The following PDK3 variants were observed in gnomAD, a reference collection of about 807,000 sequenced individuals.
PDK3 encodes pyruvate dehydrogenase kinase, isozyme 3.
In PDK3, 12 loss-of-function variants were observed where a neutral mutation model predicts 32.0. That is an observed-to-expected ratio of 0.37 (90% confidence interval 0.24 to 0.61). The LOEUF (loss-of-function observed/expected upper bound fraction) is 0.61. Among genes scored for constraint, PDK3 ranks in the 20% least tolerant of loss-of-function variants. The probability of loss-of-function intolerance (pLI) is 0.65; values close to 1 mark genes in which losing one functional copy is unlikely to be tolerated. For missense variants in PDK3, 188 were observed against 316.9 expected, an observed-to-expected ratio of 0.59 and a Z score of 3.09; for synonymous variants, 122 against 116.3, an observed-to-expected ratio of 1.05 and a Z score of -0.31.
At chrX:24,529,758 C>CAA (rs535951847) in intron 9 of PDK3, among the ~76,000 whole-genome samples, 34 of 50,457 alleles carry the variant, frequency 6.7e-4, no homozygotes, top group East Asian at 5.2e-3. Context: ...GGCTCTGCCT[C>CAA]AAAAAAAAAA....
At chrX:24,475,624 A>G (rs1016225772) in intron 1 of PDK3, among the ~76,000 whole-genome samples, 1 of 109,934 alleles carries the variant, frequency 9.1e-6, no homozygotes, top group Non-Finnish European at 1.9e-5. Context: ...GCGTCACTGC[A>G]CTCCAGCCTG....
intron 3 of PDK3, among the ~76,000 whole-genome samples, chrX:24,499,370 C>A (rs923809947): frequency 9.0e-6 from 1 of 111,504 alleles, no homozygotes; most frequent in Non-Finnish European, 1.9e-5. Flanking sequence ...AATTCTATTG[C>A]TCCCTTTATG....
At chrX:24,495,519 A>G (rs1921677936) in intron 2 of PDK3, among the ~76,000 whole-genome samples, 1 of 112,428 alleles carries the variant, frequency 8.9e-6, no homozygotes, top group South Asian at 3.7e-4. Context: ...AACGGCTCAC[A>G]GAACTCAGGA....
intron 5 of PDK3, among the ~76,000 whole-genome samples, chrX:24,506,766 ACAAT>A (rs1921987438): frequency 9.5e-6 from 1 of 105,501 alleles, no homozygotes; most frequent in South Asian, 4.3e-4. Context: ...AACCATCACC[ACAAT>A]CCAGTTGTAG....
In PDK3 at chrX:24,518,946, A is replaced by T. The variant is rs1328563499; in HGVS notation, c.609A>T (p.Thr203=). The T allele has an allele frequency of 4.2e-6, 5 of 1,193,700 alleles. No individual in the cohort carries two copies. The highest frequency in any genetic ancestry group is 4.6e-5 in the Admixed American group (2 of 43,474). The change falls in exon 6 of 11, where the codon ACA becomes ACT. Residue 203 remains threonine (T), a synonymous_variant. Transcript: ENST00000379162. Reference sequence around the variant, plus strand: ...CTTTTCTTGCAGATGCATATGAAACAGCCAAGATGCTGTGTGAACAGTATT... The same window carrying T: ...CTTTTCTTGCAGATGCATATGAAACTGCCAAGATGCTGTGTGAACAGTATT... ...VADVVKDAYE[T]AKMLCEQYYL...
chrX:24,518,047 G>T (rs1161273947), intron 5 of PDK3, among the ~76,000 whole-genome samples: 2 of 112,341 alleles, frequency 1.8e-5, no homozygotes, highest in Non-Finnish European at 3.8e-5. Flanking sequence ...ATGGTGCTTA[G>T]AACGTATAGT....
chrX:24,534,303 A>C lies in PDK3; in HGVS notation c.*231A>C. 2 of 804,535 alleles carry C rather than the reference A, an allele frequency of 2.5e-6. No individual in the cohort carries two copies. The highest frequency in any genetic ancestry group is 3.2e-6 in the Non-Finnish European group (2 of 633,614). The allele number at this position is 804,535 out of a possible 1,213,427, so 66.3% of individuals were successfully genotyped here. A position where few individuals can be genotyped will look rare whatever the true frequency, so the allele number is the denominator to read the frequency against. ...GATCAATCAAGATAAAAGGTGATCTATCCATCCAATGGAATATTATTTGGC... is the reference window on the plus strand; with the variant it reads ...GATCAATCAAGATAAAAGGTGATCTCTCCATCCAATGGAATATTATTTGGC... On this transcript the variant is annotated 3_prime_UTR_variant, in exon 11 of 11. Coordinates refer to ENST00000379162, the MANE Select transcript of PDK3 (RefSeq NM_005391.5).
chrX:24,501,028 G>C (rs1403673944), intron 3 of PDK3, among the ~76,000 whole-genome samples: 1 of 100,581 alleles, frequency 9.9e-6, no homozygotes. Context: ...CCTAATTTCA[G>C]AGTTTTACAT....
At chrX:24,482,096 A>AT (rs1921275810) in intron 1 of PDK3, among the ~76,000 whole-genome samples, 1 of 112,543 alleles carries the variant, frequency 8.9e-6, no homozygotes, top group East Asian at 2.8e-4. Flanking sequence ...CAGCGTCCAC[A>AT]TTAAGTGTTT....
intron 6 of PDK3, among the ~76,000 whole-genome samples, chrX:24,525,002 C>T (rs1372089525): frequency 9.1e-6 from 1 of 109,897 alleles, no homozygotes; most frequent in Non-Finnish European, 1.9e-5. Context: ...ACTAAAAATA[C>T]AAAAATTAGC....
chrX:24,511,536 CAT>C (rs201994778), intron 5 of PDK3, among the ~76,000 whole-genome samples: 11,688 of 110,925 alleles, frequency 0.11, 861 homozygotes, highest in African/African-American at 0.26. Flanking sequence ...TGTGTGCACA[CAT>C]GTGTGTTTTA....
intron 1 of PDK3, among the ~76,000 whole-genome samples, chrX:24,478,282 T>TA (rs1319877824): frequency 1.7e-4 from 18 of 108,845 alleles, no homozygotes; most frequent in South Asian, 1.2e-3. Flanking sequence ...CCATATCTAC[T>TA]AAAAAAAAAT....
chrX:24,536,236 G>A (rs5986319), downstream of PDK3, among the ~76,000 whole-genome samples: 28,007 of 110,732 alleles, frequency 0.25, 3,644 homozygotes, highest in African/African-American at 0.5. Context: ...AATAATCTGT[G>A]TGGTGTTATT....
Position 24,492,891 on chromosome X carries a change from T to G in PDK3, c.107-1851T>G, listed in dbSNP as rs769091587. Among the ~76,000 whole-genome samples, 14 of 108,815 alleles carry G rather than the reference T, an allele frequency of 1.3e-4. No homozygotes were observed. In the East Asian group the frequency reaches 4.1e-3, roughly 32 times the overall value. The allele number at this position is 108,815 out of a possible 115,157, so 94.5% of individuals were successfully genotyped here. ...GGTGGGTGCCTGTAGTCCCAGCTAC[T>G]TGGGAGGCCGAGGCAGGAGAATCAC... is the stretch of plus-strand genomic sequence containing the variant. On this transcript the variant is annotated intron_variant, in intron 1 of 10. Coordinates refer to ENST00000379162, the MANE Select transcript of PDK3 (RefSeq NM_005391.5).
intron 6 of PDK3, among the ~76,000 whole-genome samples, chrX:24,525,567 G>C (rs756010456): frequency 8.9e-6 from 1 of 112,071 alleles, no homozygotes; most frequent in South Asian, 3.7e-4. Flanking sequence ...CATCTGCTCT[G>C]TACCGCACAC....
Position 24,526,198 on chromosome X carries a change from C to T in PDK3, c.674C>T (p.Ala225Val). Residue 225 changes from alanine (A) to valine (V), a missense_variant and splice_region_variant, in exon 7 of 11, where the codon GCC (alanine) becomes GTC (valine). Ala to Val is a moderately conservative substitution (Grantham distance 64). Transcript: ENST00000379162. ...TTGATGGTTTTGTCTCTGTTTTCAG[C>T]CAAAGCGCCAGACAAACCTATTCAG... Reference protein sequence around the residue: ...APELEVEEFNAKAPDKPIQVV... With the variant: ...APELEVEEFNVKAPDKPIQVV... The T allele has an allele frequency of 1.7e-6, 2 of 1,197,162 alleles. No homozygotes were observed. The highest frequency in any genetic ancestry group is 2.3e-6 in the Non-Finnish European group (2 of 884,668).
At chrX:24,465,987 C>T (rs961683826) in intron 1 of PDK3, among the ~76,000 whole-genome samples, 4 of 109,913 alleles carry the variant, frequency 3.6e-5, no homozygotes, top group Non-Finnish European at 7.6e-5. Context: ...TATGCAATGG[C>T]ATTTTGTTCC....
chrX:24,526,886 G>C (rs1602126041), intron 7 of PDK3, among the ~76,000 whole-genome samples: 1 of 111,920 alleles, frequency 8.9e-6, no homozygotes, highest in South Asian at 3.7e-4. Flanking sequence ...AGTATTACAG[G>C]CACAAGGCAT....
Position 24,531,783 on chromosome X carries a change from A to T in PDK3, c.1077+13A>T, listed in dbSNP as rs763683620. ...CATTTATTTGAAGGTACTGCGTTTT[A>T]TTTGTTAGTATGAGGCATCTTTGCT... On this transcript the variant is annotated intron_variant, in intron 10 of 10. Transcript: ENST00000379162. The T allele has an allele frequency of 9.6e-6, 9 of 941,424 alleles. No homozygotes were observed. The South Asian group carries it at 1.6e-4, about 17-fold the overall frequency. The allele number at this position is 941,424 out of a possible 1,213,427, so 77.6% of individuals were successfully genotyped here.
Sources: allele counts gnomAD v4.1 joint callset (sites outside exome capture counted in the v4.1 genomes callset), GRCh38; gene constraint gnomAD v4.1.1; transcripts MANE v1.5; gene names NCBI Gene and HGNC (gene_info 2026-07-23, HGNC 2026-07-21).